Variants in ARHGAP26 observed in about 807,000 individuals in gnomAD.
The protein encoded by ARHGAP26 is Rho GTPase activating protein 26, also known as rho GTPase-activating protein 26.
In ARHGAP26, 38 loss-of-function variants were observed where a neutral mutation model predicts 104.8. The ratio of observed to expected loss-of-function variants is 0.36; its 90% CI spans 0.28 to 0.48. The LOEUF is 0.48. Among genes scored for constraint, ARHGAP26 ranks in the 20% least tolerant of loss-of-function variants. ARHGAP26 has a pLI of 0.99. For missense variants in ARHGAP26, 704 were observed against 947.9 expected (o/e 0.74, Z 3.38); for synonymous variants, 341 against 340.0 (o/e 1.00, Z -0.03).
At chr5:142,962,112 C>T (rs1562161952) in intron 11 of ARHGAP26, among the ~76,000 whole-genome samples, 1 of 152,106 alleles carries the variant, frequency 6.6e-6, no homozygotes, top group Admixed American at 6.5e-5. Flanking sequence ...AAAAAATGGA[C>T]GATGGAATTT....
chr5:143,129,546 A>T (rs1051844887), intron 18 of ARHGAP26, among the ~76,000 whole-genome samples: 2 of 152,230 alleles, frequency 1.3e-5, no homozygotes, highest in African/African-American at 4.8e-5. Flanking sequence ...CAAGTGCTTA[A>T]GACCCAGACA....
At chr5:142,941,656 A>G (rs1435364971) in intron 11 of ARHGAP26, among the ~76,000 whole-genome samples, 1 of 152,230 alleles carries the variant, frequency 6.6e-6, no homozygotes, top group Non-Finnish European at 1.5e-5. Flanking sequence ...ACATTTAATA[A>G]TATTCACTTA....
intron 20 of ARHGAP26, among the ~76,000 whole-genome samples, chr5:143,192,868 A>G (rs558781226): frequency 6.6e-6 from 1 of 152,036 alleles, no homozygotes; most frequent in South Asian, 2.1e-4. Context: ...GATGTTGGCC[A>G]TGTAACATGA....
intron 11 of ARHGAP26, among the ~76,000 whole-genome samples, chr5:143,002,782 A>G (rs752967008): frequency 5.9e-5 from 9 of 152,324 alleles, no homozygotes; most frequent in Middle Eastern, 3.4e-3. Context: ...TGTGACTCCA[A>G]TCTTCGGTTG....
At position 143,227,895 on chromosome 5, in the gene ARHGAP26, A is replaced by G. The variant is rs1396342324; in HGVS notation, c.*5449A>G. ...CGATCACAGAAAAATTTCACAGCTA[A>G]TATTTTTACAAAAGTTGTGCCAGAC... On this transcript the variant is annotated 3_prime_UTR_variant, in exon 23 of 23. Transcript: ENST00000645722. The G allele has an allele frequency of 4.5e-6, 1 of 222,014 alleles. No homozygotes were observed. The highest frequency in any genetic ancestry group is 2.2e-5 in the African/African-American group (1 of 44,734). 13.8% of individuals were successfully genotyped at this position (222,014 alleles called of 1,614,324 possible).
At chr5:142,824,169 C>T (rs972757946) in intron 1 of ARHGAP26, among the ~76,000 whole-genome samples, 3 of 152,078 alleles carry the variant, frequency 2.0e-5, no homozygotes, top group Non-Finnish European at 4.4e-5. Flanking sequence ...TGCTGCAGTT[C>T]GCGTTCCCAT....
chr5:142,820,565 A>G (rs1442851240), intron 1 of ARHGAP26, among the ~76,000 whole-genome samples: 1 of 152,172 alleles, frequency 6.6e-6, no homozygotes, highest in African/African-American at 2.4e-5. Flanking sequence ...AGTGTTTGTG[A>G]GCGGCTACGA....
intron 12 of ARHGAP26, among the ~76,000 whole-genome samples, chr5:143,024,765 A>G (rs1301886665): frequency 2.0e-5 from 3 of 152,056 alleles, no homozygotes; most frequent in African/African-American, 7.2e-5. Context: ...AAACTTGGTC[A>G]CTCCCTGCAC....
At chr5:143,185,927 T>C (rs1805068368) in intron 20 of ARHGAP26, among the ~76,000 whole-genome samples, 1 of 152,214 alleles carries the variant, frequency 6.6e-6, no homozygotes, top group Admixed American at 6.5e-5. Flanking sequence ...GAATGTCCTC[T>C]AGGCCTGTCT....
At chr5:142,893,295 C>A (rs148353482) in intron 5 of ARHGAP26, among the ~76,000 whole-genome samples, 1 of 152,074 alleles carries the variant, frequency 6.6e-6, no homozygotes, top group Non-Finnish European at 1.5e-5. Flanking sequence ...TTCTTAGCCT[C>A]TGATAACTCT....
intron 1 of ARHGAP26, among the ~76,000 whole-genome samples, chr5:142,843,943 T>G (rs1771343850): frequency 6.6e-6 from 1 of 152,202 alleles, no homozygotes. Context: ...GAGCCTTGGT[T>G]TCCTCATCTA....
intron 11 of ARHGAP26, among the ~76,000 whole-genome samples, chr5:142,955,286 G>C (rs1769065552): frequency 6.6e-6 from 1 of 152,034 alleles, no homozygotes; most frequent in African/African-American, 2.4e-5. Context: ...GGGCGACAGA[G>C]TGAGACCCTG....
rs1342177078 is a variant in ARHGAP26, at chr5:143,012,543, AC to A, written c.1108-1536del. On this transcript the variant is annotated intron_variant, in intron 11 of 22. Transcript: ENST00000645722. Reference sequence around the variant, plus strand: ...AGTCACTGGAGGGATATATTTATATACATACATACATATATATATATATATA... The same window carrying A: ...AGTCACTGGAGGGATATATTTATATAATACATACATATATATATATATATA... 1.1e-3 allele frequency among the ~76,000 whole-genome samples: 50 copies of A among 44,966 alleles called. 5 individuals are homozygous for A. The highest frequency in any genetic ancestry group is 2.7e-3 in the Non-Finnish European group (44 of 16,364). 29.5% of individuals were successfully genotyped at this position (44,966 alleles called of 152,430 possible).
chr5:143,126,279 G>A (rs246595), intron 18 of ARHGAP26, among the ~76,000 whole-genome samples: 33,265 of 152,094 alleles, frequency 0.22, 5,093 homozygotes, highest in African/African-American at 0.41. Flanking sequence ...TATTAAAATG[G>A]CATGGTTGTG....
At chr5:143,066,122 G>A (rs1176786575) in intron 17 of ARHGAP26, among the ~76,000 whole-genome samples, 2 of 152,078 alleles carry the variant, frequency 1.3e-5, no homozygotes, top group Admixed American at 6.6e-5. Context: ...TTACTCTATA[G>A]TTTCTATGTT....
At chr5:143,177,366 C>T (rs1803615314) in intron 20 of ARHGAP26, among the ~76,000 whole-genome samples, 1 of 152,116 alleles carries the variant, frequency 6.6e-6, no homozygotes, top group Non-Finnish European at 1.5e-5. Context: ...GGATTTGGAT[C>T]CGTGAAATGT....
chr5:142,936,067 A>G (rs1291393192), intron 11 of ARHGAP26, among the ~76,000 whole-genome samples: 2 of 151,066 alleles, frequency 1.3e-5, no homozygotes, highest in African/African-American at 4.9e-5. Flanking sequence ...AACTGCCCCC[A>G]CTTTCAGATA....
chr5:142,951,782 T>C (rs1169824950), intron 11 of ARHGAP26, among the ~76,000 whole-genome samples: 1 of 152,100 alleles, frequency 6.6e-6, no homozygotes, highest in Non-Finnish European at 1.5e-5. Flanking sequence ...AGATGGGAGG[T>C]GAACAGACCA....
intron 11 of ARHGAP26, among the ~76,000 whole-genome samples, chr5:142,976,063 A>G (rs1773041012): frequency 6.6e-6 from 1 of 152,220 alleles, no homozygotes; most frequent in Admixed American, 6.5e-5. Flanking sequence ...AGGGCTTTTC[A>G]CGAGAAATTC....
Sources: allele counts gnomAD v4.1 joint callset (sites outside exome capture counted in the v4.1 genomes callset), GRCh38; gene constraint gnomAD v4.1.1; transcripts MANE v1.5; gene names NCBI Gene and HGNC (gene_info 2026-07-23, HGNC 2026-07-21).